Variants in MBD2 observed in about 807,000 individuals in gnomAD.
MBD2 encodes the protein methyl-CpG-binding domain protein 2.
In MBD2, 9 loss-of-function variants were observed where a neutral mutation model predicts 39.3. The ratio of observed to expected loss-of-function variants is 0.23; its 90% CI spans 0.14 to 0.40. The LOEUF is 0.40. Ranked by LOEUF, MBD2 falls within the 10% of genes least tolerant of loss-of-function variation. MBD2 has a pLI of 1.00. For missense variants in MBD2, 458 were observed against 532.6 expected (o/e 0.86, Z 1.38); for synonymous variants, 233 against 211.1 (o/e 1.10, Z -0.90).
chr18:54,195,719 A>G (rs561361139), intron 2 of MBD2, among the ~76,000 whole-genome samples: 2 of 152,298 alleles, frequency 1.3e-5, no homozygotes, highest in East Asian at 3.9e-4. Flanking sequence ...CATAAAAAAA[A>G]AGAAAAAAAC....
At chr18:54,184,665 GAA>G (rs2086272545) in intron 3 of MBD2, among the ~76,000 whole-genome samples, 1 of 152,136 alleles carries the variant, frequency 6.6e-6, no homozygotes, top group African/African-American at 2.4e-5. Flanking sequence ...AATATTGTTA[GAA>G]AATATTTTTT....
At chr18:54,168,075 GTA>G (rs765639892) in intron 3 of MBD2, among the ~76,000 whole-genome samples, 10 of 149,726 alleles carry the variant, frequency 6.7e-5, no homozygotes, top group South Asian at 4.2e-4. Context: ...ATATATATGT[GTA>G]TATATATATA....
chr18:54,184,405 C>T (rs1347055248), intron 3 of MBD2, among the ~76,000 whole-genome samples: 2 of 152,174 alleles, frequency 1.3e-5, no homozygotes, highest in Non-Finnish European at 1.5e-5. Context: ...GGAATGGTTT[C>T]ATCCCAAAAC....
chr18:54,218,899 T>G (rs942257200), intron 1 of MBD2, among the ~76,000 whole-genome samples: 9 of 150,922 alleles, frequency 6.0e-5, no homozygotes, highest in African/African-American at 2.2e-4. Flanking sequence ...GAGGCGGAGG[T>G]TGCAGTGAGC....
chr18:54,177,910 G>A (rs961220683), intron 3 of MBD2, among the ~76,000 whole-genome samples: 2 of 132,188 alleles, frequency 1.5e-5, no homozygotes, highest in Non-Finnish European at 1.5e-5. Context: ...TATGATCATA[G>A]CTCGCTGCAA....
Position 54,224,320 on chromosome 18 carries a change from CCGGCCCCGGCCA to C in MBD2, c.228_239del (p.Gly93_Arg96del). On this transcript the variant is annotated inframe_deletion, in exon 1 of 7. Transcript: ENST00000256429. Reference sequence around the variant, plus strand: ...CCCGTCCCCGTCCCCGGCCACGGCCCCGGCCCCGGCCACGGCCACAGACGCCGCCGCCCCGGC... The same window carrying C: ...CCCGTCCCCGTCCCCGGCCACGGCCCCGGCCACAGACGCCGCCGCCCCGGC... The C allele has an allele frequency of 1.0e-6, 1 of 984,400 alleles. No individual in the cohort carries two copies. The highest frequency in any genetic ancestry group is 1.2e-6 in the Non-Finnish European group (1 of 824,946). 61.0% of individuals were successfully genotyped at this position (984,400 alleles called of 1,614,324 possible).
At chr18:54,192,606 A>T (rs1286538939) in intron 2 of MBD2, among the ~76,000 whole-genome samples, 2 of 152,218 alleles carry the variant, frequency 1.3e-5, no homozygotes, top group Admixed American at 1.3e-4. Context: ...TTCAGTAGAC[A>T]CACAGAAGTA....
intron 3 of MBD2, among the ~76,000 whole-genome samples, chr18:54,181,728 T>C (rs1359249857): frequency 1.3e-5 from 2 of 152,032 alleles, no homozygotes; most frequent in Non-Finnish European, 2.9e-5. Flanking sequence ...CTTGAACTCC[T>C]GACCACGTGA....
intron 6 of MBD2, among the ~76,000 whole-genome samples, chr18:54,158,554 A>C (rs958936556): frequency 1.3e-5 from 2 of 152,184 alleles, no homozygotes; most frequent in African/African-American, 4.8e-5. Context: ...GCTCCTCTGA[A>C]GACAAGGTAT....
chr18:54,187,744 C>G (rs2086294599), intron 3 of MBD2: 1 of 985,744 alleles, frequency 1.0e-6, no homozygotes, highest in South Asian at 4.7e-5. Context: ...TGGGGACCAA[C>G]AGTAAAGCAA....
intron 2 of MBD2, among the ~76,000 whole-genome samples, chr18:54,197,636 T>G (rs1347315007): frequency 6.6e-6 from 1 of 152,220 alleles, no homozygotes; most frequent in Admixed American, 6.5e-5. Flanking sequence ...AGTACTCTTT[T>G]TGTGTTATGC....
chr18:54,200,752 C>T (rs1202872968), intron 2 of MBD2, among the ~76,000 whole-genome samples: 1 of 150,202 alleles, frequency 6.7e-6, no homozygotes, highest in Admixed American at 6.6e-5. Context: ...AGGATAGTGA[C>T]TAGGTACATC....
At chr18:54,190,773 C>A (rs2086315045) in intron 2 of MBD2, among the ~76,000 whole-genome samples, 1 of 152,076 alleles carries the variant, frequency 6.6e-6, no homozygotes, top group Admixed American at 6.5e-5. Flanking sequence ...TAAGTGAGGA[C>A]TTACTGAATA....
rs2086118564 is a variant in MBD2 at position 54,164,707 on chromosome 18, T to C, written c.932-7A>G. The stretch of plus-strand genomic sequence containing the variant: ...TTGCTACCTGGACCAACTCCTGCAA[T>C]GAGAAACAAGTACTAGTTAAAGGAA... On this transcript the variant is annotated splice_region_variant and splice_polypyrimidine_tract_variant and intron_variant, in intron 4 of 6. Transcript: ENST00000256429. 6.3e-7 allele frequency: 1 copy of C among 1,594,884 alleles called. No homozygotes were observed. The highest frequency in any genetic ancestry group is 8.6e-7 in the Non-Finnish European group (1 of 1,163,782).
At chr18:54,162,381 A>G (rs1255561724) in intron 5 of MBD2, among the ~76,000 whole-genome samples, 3 of 152,224 alleles carry the variant, frequency 2.0e-5, no homozygotes, top group Non-Finnish European at 2.9e-5. Context: ...TGGATACCCA[A>G]TTAGGTAAAG....
intron 3 of MBD2, among the ~76,000 whole-genome samples, chr18:54,184,790 T>C (rs1171637774): frequency 1.3e-5 from 2 of 152,330 alleles, no homozygotes; most frequent in East Asian, 1.9e-4. Flanking sequence ...TTGCCTGTAC[T>C]ACTCTACTAT....
At chr18:54,182,003 TAACAC>T (rs2086255024) in intron 3 of MBD2, among the ~76,000 whole-genome samples, 1 of 152,160 alleles carries the variant, frequency 6.6e-6, no homozygotes, top group South Asian at 2.1e-4. Context: ...TCATTGCACT[TAACAC>T]AACATGATAC....
chr18:54,186,608 G>A (rs959618337), intron 3 of MBD2, among the ~76,000 whole-genome samples: 2 of 152,122 alleles, frequency 1.3e-5, no homozygotes, highest in Non-Finnish European at 2.9e-5. Context: ...TCTGCCCAAT[G>A]CACAGTCCTA....
chr18:54,223,156 A>G (rs1467255619), intron 1 of MBD2, among the ~76,000 whole-genome samples: 1 of 152,228 alleles, frequency 6.6e-6, no homozygotes, highest in Non-Finnish European at 1.5e-5. Context: ...GTCAATTGCC[A>G]TAGGCACTTT....
Sources: gnomAD v4.1 joint callset for allele counts (sites outside exome capture counted in the v4.1 genomes callset) on GRCh38, gnomAD v4.1.1 for gene constraint, MANE v1.5 for transcripts, NCBI Gene and HGNC (gene_info 2026-07-23, HGNC 2026-07-21) for gene names.